SPTBN5: variants seen among roughly 807,000 people sequenced by gnomAD.
SPTBN5 encodes spectrin beta chain, non-erythrocytic 5.
A neutral mutation model predicts 477.6 loss-of-function variants in SPTBN5; 513 were observed. The observed-to-expected ratio is 1.07, with a 90% CI of 1.00 to 1.16. SPTBN5 has a LOEUF of 1.16. SPTBN5 is among the 50% of genes most tolerant of loss of function. SPTBN5 has a pLI of 0.00. For missense variants in SPTBN5, 5,062 were observed against 4,731.8 expected (o/e 1.07, Z -2.05); for synonymous variants, 2,169 against 2,011.7 (o/e 1.08, Z -2.09).
Position 41,893,892 on chromosome 15 carries a change from T to C in SPTBN5, c.-50+7A>G. ...GATGGAGATGGTAGATAGCAGGGGC[T>C]GCTTACCTTGGTGATGCCTGGGTTC... On this transcript the variant is annotated splice_region_variant and intron_variant, in intron 1 of 67. Transcript: ENST00000320955. 3.9e-6 allele frequency: 1 copy of C among 256,062 alleles called. No homozygotes were observed. Among genetic ancestry groups the C allele is most frequent in the Non-Finnish European group, 7.6e-6 (1 of 131,242 alleles). 15.9% of individuals were successfully genotyped at this position (256,062 alleles called of 1,614,324 possible).
At position 41,862,283 on chromosome 15, in the gene SPTBN5, C is replaced by A; in HGVS notation, c.7395G>T (p.Ala2465=). The change falls in exon 44 of 68, where the codon GCG becomes GCT. Residue 2465 remains alanine, a synonymous_variant. Coordinates refer to ENST00000320955, the MANE Select transcript of SPTBN5 (RefSeq NM_016642.4). ...TCTGAGCTTGGTGCAAGGCATCCAGCGCCTCCCTCCTGCCCACAGCGCTCA... is the reference window on the plus strand; with the variant it reads ...TCTGAGCTTGGTGCAAGGCATCCAGAGCCTCCCTCCTGCCCACAGCGCTCA... ...LRSRAQKRRE[A]LDALHQAQKL... 6.2e-7 allele frequency: 1 copy of A among 1,601,370 alleles called. No individual in the cohort carries two copies. Among genetic ancestry groups the A allele is most frequent in the South Asian group, 1.1e-5 (1 of 89,744 alleles).
At chr15:41,850,455 G>A in intron 66 of SPTBN5, 1 of 234,922 alleles carries the variant, frequency 4.3e-6, no homozygotes, top group Non-Finnish European at 8.3e-6. Context: ...CAAGGGTGGT[G>A]ACATTCAAAG....
intron 32 of SPTBN5, among the ~76,000 whole-genome samples, chr15:41,868,813 T>C (rs2066431221): frequency 2.0e-5 from 3 of 152,200 alleles, no homozygotes; most frequent in African/African-American, 7.2e-5. Flanking sequence ...ACCCCCTACA[T>C]GAGCCAGACC....
intron 59 of SPTBN5, 53 bp downstream of exon 59, chr15:41,853,205 G>A (rs2065830328): frequency 6.5e-7 from 1 of 1,540,838 alleles, no homozygotes; most frequent in African/African-American, 1.4e-5. Context: ...GAGGCCCTGG[G>A]CAATCAGGCT....
intron 7 of SPTBN5, among the ~76,000 whole-genome samples, chr15:41,885,286 C>T (rs778265555): frequency 1.3e-5 from 2 of 152,126 alleles, no homozygotes; most frequent in South Asian, 2.1e-4. Flanking sequence ...GGCCTCCCAA[C>T]GTGCTGGGAT....
At position 41,875,047 on chromosome 15, in the gene SPTBN5, C is replaced by T. The variant is rs1489550914; in HGVS notation, c.4297G>A (p.Glu1433Lys). 1 of 1,610,772 alleles carries T rather than the reference C, an allele frequency of 6.2e-7. No individual in the cohort carries two copies. The highest frequency in any genetic ancestry group is 1.7e-5 in the Admixed American group (1 of 59,856). The change falls in exon 23 of 68, where the codon GAG becomes AAG. Residue 1433 changes from glutamate to lysine, a missense_variant. Glu to Lys is a moderately conservative substitution (Grantham distance 56). Coordinates refer to ENST00000320955, the MANE Select transcript of SPTBN5 (RefSeq NM_016642.4). ...GCCCCTTCGAGCTGCTCCAGCTGCTCCTTTGCATCCTGGGAGGGACGCATG... is the reference window on the plus strand; with the variant it reads ...GCCCCTTCGAGCTGCTCCAGCTGCTTCTTTGCATCCTGGGAGGGACGCATG... ...QLLRQLQDAK[E>K]QLEQLEGALQ... is the part of the protein sequence containing the mutation.
intron 55 of SPTBN5, 85 bp downstream of exon 55, chr15:41,855,139 G>T: frequency 6.7e-7 from 1 of 1,489,504 alleles, no homozygotes; most frequent in South Asian, 1.3e-5. Flanking sequence ...CCTTTCTGCT[G>T]ACTCCCCAGC....
rs775481048 is a variant in SPTBN5 at position 41,878,304 on chromosome 15, C to T, written c.3470+38G>A. 15 of 1,600,244 alleles carry T rather than the reference C, an allele frequency of 9.4e-6. No homozygotes were observed. The Admixed American group carries it at 1.8e-4, about 20-fold the overall frequency. ...AACCCAGAGCCCAGAGCCCTGGTCC[C>T]AGCCCAAAGTGCACCCCTTCTGCCC... On this transcript the variant is annotated intron_variant, in intron 17 of 67. Coordinates refer to ENST00000320955, the MANE Select transcript of SPTBN5 (RefSeq NM_016642.4).
At position 41,882,485 on chromosome 15, in the gene SPTBN5, G is replaced by A. The variant is rs372868536; in HGVS notation, c.2047-16C>T. 6.2e-5 allele frequency: 96 copies of A among 1,559,794 alleles called. No homozygotes were observed. In the African/African-American group the frequency reaches 1.0e-3, roughly 17 times the overall value. On this transcript the variant is annotated splice_polypyrimidine_tract_variant and intron_variant, in intron 10 of 67. Coordinates refer to ENST00000320955, the MANE Select transcript of SPTBN5 (RefSeq NM_016642.4). The stretch of plus-strand genomic sequence containing the variant: ...CTTCCAGGGCCTAGCGGGGGGCAGA[G>A]CAGGGGGCTCAGTGAAGGCAGAACA...
chr15:41,864,490 T>A (rs1048243302), intron 39 of SPTBN5, among the ~76,000 whole-genome samples: 1 of 152,212 alleles, frequency 6.6e-6, no homozygotes, highest in African/African-American at 2.4e-5. Context: ...AGTTTTGTAT[T>A]TTTCGTAGAG....
intron 23 of SPTBN5, 68 bp downstream of exon 23, chr15:41,874,774 G>A: frequency 2.0e-6 from 3 of 1,487,078 alleles, no homozygotes; most frequent in Non-Finnish European, 2.7e-6. Context: ...TCCTGTGGGT[G>A]CCATCTTGTG....
chr15:41,885,026 ATTG>A lies in SPTBN5; in HGVS notation c.1520+706_1520+708del, dbSNP rs368506363. Among the ~76,000 whole-genome samples the A allele has an allele frequency of 1.5e-4, 23 of 151,740 alleles. No individual in the cohort carries two copies. The East Asian group carries it at 4.3e-3, about 28-fold the overall frequency. On this transcript the variant is annotated intron_variant, in intron 7 of 67. Transcript: ENST00000320955. ...CATATTCATTCCCCTATCCTCCTTT[ATTG>A]TTATTATTTTTGGAGATGGAGTCTC...
chr15:41,873,354 A>C (rs373718130), intron 26 of SPTBN5, 138 bp downstream of exon 26: 37 of 665,258 alleles, frequency 5.6e-5, no homozygotes, highest in African/African-American at 4.0e-4. Flanking sequence ...TCTGGGTGGG[A>C]AGTGGGGATG....
chr15:41,892,865 C>T (rs1368583252), intron 3 of SPTBN5, 29 bp downstream of exon 3: 1 of 1,563,214 alleles, frequency 6.4e-7, no homozygotes. Flanking sequence ...GCCCCAGCAC[C>T]ATCCCAGACC....
At chr15:41,875,758 C>T (rs16972210) in intron 21 of SPTBN5, 136 bp from the exon 22 acceptor site, 1 of 942,748 alleles carries the variant, frequency 1.1e-6, no homozygotes, top group Admixed American at 2.9e-5. Flanking sequence ...TGGAAGAAAG[C>T]AGTTCATGTG....
chr15:41,875,769 GC>G, intron 21 of SPTBN5, 147 bp from the exon 22 acceptor site: 1 of 857,106 alleles, frequency 1.2e-6, no homozygotes, highest in Non-Finnish European at 1.7e-6. Flanking sequence ...AGTTCATGTG[GC>G]CCCAAAACTG....
In SPTBN5 at chr15:41,868,298, TGAG is replaced by T. The variant is rs1402816893; in HGVS notation, c.6058-83_6058-81del. 5 of 1,562,938 alleles carry T rather than the reference TGAG, an allele frequency of 3.2e-6. No individual in the cohort carries two copies. The East Asian group carries it at 7.0e-5, about 22-fold the overall frequency. On this transcript the variant is annotated intron_variant, in intron 33 of 67. Coordinates refer to ENST00000320955, the MANE Select transcript of SPTBN5 (RefSeq NM_016642.4). The stretch of plus-strand genomic sequence containing the variant: ...AGGACTGGATCCTGAGGGAAGCTCC[TGAG>T]GAGAGGCCAGCATGGCACAGTAGGA...
intron 25 of SPTBN5, 72 bp from the exon 26 acceptor site, chr15:41,873,680 C>G: frequency 2.0e-6 from 3 of 1,464,120 alleles, no homozygotes; most frequent in Non-Finnish European, 1.9e-6. Flanking sequence ...AGACATCTGC[C>G]CCTGCTCTCC....
At chr15:41,876,492 C>T (rs1198975923) in intron 20 of SPTBN5, 56 bp downstream of exon 20, 50 of 1,470,226 alleles carry the variant, frequency 3.4e-5, no homozygotes, top group Admixed American at 1.8e-4. Flanking sequence ...GAGCTCTGTA[C>T]GGTCTCAGGC....
Sources: allele counts gnomAD v4.1 joint callset (sites outside exome capture counted in the v4.1 genomes callset), GRCh38; gene constraint gnomAD v4.1.1; transcripts MANE v1.5; gene names NCBI Gene and HGNC (gene_info 2026-07-23, HGNC 2026-07-21).